Variants in PTPN13 observed in about 807,000 individuals in gnomAD.
PTPN13 encodes the protein protein tyrosine phosphatase non-receptor type 13, also known as tyrosine-protein phosphatase non-receptor type 13.
PTPN13 carries 191 observed loss-of-function variants against 284.0 expected under a neutral mutation model. The observed-to-expected ratio is 0.67, with a 90% CI of 0.60 to 0.76. The LOEUF (loss-of-function observed/expected upper bound fraction) is 0.76, where lower values mean the gene tolerates loss of function less well. Ranked by LOEUF, PTPN13 falls within the 30% of genes least tolerant of loss-of-function variation. PTPN13 has a pLI of 0.00. For missense variants in PTPN13, 2,797 were observed against 2,939.9 expected, an observed-to-expected ratio of 0.95 and a Z score of 1.12; for synonymous variants, 986 against 1,022.3, an observed-to-expected ratio of 0.96 and a Z score of 0.68.
At chr4:86,670,150 C>G (rs955592943) in intron 2 of PTPN13, among the ~76,000 whole-genome samples, 2 of 144,032 alleles carry the variant, frequency 1.4e-5, no homozygotes, top group Non-Finnish European at 3.0e-5. Context: ...CCTTGGTCTT[C>G]ATTTCTTTTC....
At chr4:86,652,145 A>AT (rs1052064328) in intron 2 of PTPN13, among the ~76,000 whole-genome samples, 2 of 151,966 alleles carry the variant, frequency 1.3e-5, no homozygotes, top group African/African-American at 4.8e-5. Context: ...GATCTTTTGT[A>AT]TTTTTTTAAT....
chr4:86,781,586 G>A (rs2149307714), intron 36 of PTPN13, among the ~76,000 whole-genome samples: 1 of 152,318 alleles, frequency 6.6e-6, no homozygotes, highest in East Asian at 1.9e-4. Context: ...TTAAGCACCT[G>A]TGATGGATCA....
chr4:86,750,742 C>T lies in PTPN13; in HGVS notation c.2923C>T (p.Gln975Ter). ...GAGTAAATCATACCATGATCTCAGT[C>T]AGGCCTCTCTCTATCCACATCGGAA... is the stretch of plus-strand genomic sequence containing the variant. ...EMSKSYHDLS[Q>*]ASLYPHRKNV... The change falls in exon 18 of 48, where the codon CAG becomes TAG. Residue 975 changes from glutamine (Q) to a stop codon, truncating the protein, a stop_gained. Coordinates refer to ENST00000411767, the MANE Select transcript of PTPN13 (RefSeq NM_080683.3). LOFTEE classifies it high-confidence loss of function. 6.2e-7 allele frequency: 1 copy of T among 1,613,634 alleles called. No individual in the cohort carries two copies. Among genetic ancestry groups the T allele is most frequent in the Non-Finnish European group, 8.5e-7 (1 of 1,179,708 alleles).
intron 40 of PTPN13, among the ~76,000 whole-genome samples, chr4:86,788,219 T>G (rs1382702146): frequency 6.6e-6 from 1 of 152,192 alleles, no homozygotes; most frequent in Non-Finnish European, 1.5e-5. Context: ...ATTTAAAATT[T>G]GCAAATATGA....
At chr4:86,746,696 A>G (rs1056844249) in intron 17 of PTPN13, among the ~76,000 whole-genome samples, 7 of 151,678 alleles carry the variant, frequency 4.6e-5, no homozygotes, top group Non-Finnish European at 5.9e-5. Flanking sequence ...GTTTGGGTGC[A>G]ATCTTGGCTC....
chr4:86,637,911 G>A (rs1481278725), intron 2 of PTPN13, among the ~76,000 whole-genome samples: 1 of 151,594 alleles, frequency 6.6e-6, no homozygotes, highest in Non-Finnish European at 1.5e-5. Flanking sequence ...CAGACGACAT[G>A]ATTGTATATC....
chr4:86,686,480 A>T (rs1182413448), intron 3 of PTPN13, among the ~76,000 whole-genome samples: 1 of 152,224 alleles, frequency 6.6e-6, no homozygotes, highest in Non-Finnish European at 1.5e-5. Flanking sequence ...AACAAAACTG[A>T]TTATGCATAA....
rs933177672 is a variant in PTPN13, at chr4:86,803,574, C to T, written c.6506-135C>T. 31 of 944,640 alleles carry T rather than the reference C, an allele frequency of 3.3e-5. No individual in the cohort carries two copies. The South Asian group carries it at 4.9e-4, about 15-fold the overall frequency. The allele number at this position is 944,640 out of a possible 1,614,324, so 58.5% of individuals were successfully genotyped here. Reference sequence around the variant, plus strand: ...CAGAACTGCACTCCATCGTAGGCGACAGAACAAGATTCTATCTCTAAATAA... The same window carrying T: ...CAGAACTGCACTCCATCGTAGGCGATAGAACAAGATTCTATCTCTAAATAA... On this transcript the variant is annotated intron_variant, in intron 42 of 47. Coordinates refer to ENST00000411767, the MANE Select transcript of PTPN13 (RefSeq NM_080683.3).
intron 7 of PTPN13, among the ~76,000 whole-genome samples, chr4:86,703,437 G>GAA (rs770620580): frequency 2.2e-5 from 3 of 136,510 alleles, no homozygotes; most frequent in Non-Finnish European, 1.6e-5. Flanking sequence ...TGTCCATTGT[G>GAA]AAAAAAAAAA....
Position 86,772,889 on chromosome 4 carries a change from A to AC in PTPN13, c.5282dup (p.Thr1762AsnfsTer2). On this transcript the variant is annotated frameshift_variant, in exon 32 of 48. Coordinates refer to ENST00000411767, the MANE Select transcript of PTPN13 (RefSeq NM_080683.3). LOFTEE classifies it high-confidence loss of function. ...AGTATCATATACATCACATTTCTGA[A>AC]CCAACTAGACAAGAAAACTGGACAC... is the stretch of plus-strand genomic sequence containing the variant. The AC allele has an allele frequency of 3.1e-6, 5 of 1,612,448 alleles. No individual in the cohort carries two copies. The highest frequency in any genetic ancestry group is 4.2e-6 in the Non-Finnish European group (5 of 1,179,024).
chr4:86,607,529 A>G (rs1200557417), intron 1 of PTPN13, among the ~76,000 whole-genome samples: 1 of 152,036 alleles, frequency 6.6e-6, no homozygotes, highest in Admixed American at 6.6e-5. Flanking sequence ...CTTATTTTAC[A>G]GATGAGAAAA....
chr4:86,808,101 T>A lies in PTPN13; in HGVS notation c.7083+204T>A, dbSNP rs77282451. Among the ~76,000 whole-genome samples, 610 of 152,330 alleles carry A rather than the reference T, an allele frequency of 4.0e-3. 9 individuals are homozygous for A. In the South Asian group the frequency reaches 0.055, roughly 14 times the overall value. ...ACTGTCTTCATGAATTCTGCCAGTT[T>A]CCTCCAGTATGTCCTCTACTAAAAT... On this transcript the variant is annotated intron_variant, in intron 45 of 47. Coordinates refer to ENST00000411767, the MANE Select transcript of PTPN13 (RefSeq NM_080683.3).
At chr4:86,746,679 A>G (rs1394327422) in intron 17 of PTPN13, among the ~76,000 whole-genome samples, 1 of 152,018 alleles carries the variant, frequency 6.6e-6, no homozygotes, top group Non-Finnish European at 1.5e-5. Context: ...GCTCTTGTCA[A>G]AATCTTGTTT....
intron 2 of PTPN13, among the ~76,000 whole-genome samples, chr4:86,657,581 A>G (rs577167266): frequency 1.3e-5 from 2 of 152,052 alleles, no homozygotes; most frequent in Admixed American, 6.5e-5. Context: ...ACAGAGTCTC[A>G]CCTGAAGGCT....
At chr4:86,606,103 T>G (rs1764716233) in intron 1 of PTPN13, among the ~76,000 whole-genome samples, 1 of 151,926 alleles carries the variant, frequency 6.6e-6, no homozygotes, top group African/African-American at 2.4e-5. Context: ...CTAAATTTGC[T>G]CAATAAGCCA....
At chr4:86,811,684 A>C (rs954604013) in intron 47 of PTPN13, among the ~76,000 whole-genome samples, 4 of 152,188 alleles carry the variant, frequency 2.6e-5, no homozygotes, top group African/African-American at 9.7e-5. Flanking sequence ...CCGTATTTAG[A>C]GTGTCTGTCT....
intron 1 of PTPN13, among the ~76,000 whole-genome samples, chr4:86,621,385 T>C (rs1341551798): frequency 1.3e-5 from 2 of 152,248 alleles, no homozygotes; most frequent in African/African-American, 2.4e-5. Flanking sequence ...CTTTCAAAGA[T>C]AGCCGACTTT....
intron 40 of PTPN13, among the ~76,000 whole-genome samples, chr4:86,791,061 A>G (rs182579783): frequency 3.3e-5 from 5 of 152,276 alleles, no homozygotes; most frequent in African/African-American, 7.2e-5. Flanking sequence ...CGGGAAGCAC[A>G]AGGTGTCAGG....
At chr4:86,618,812 T>C (rs1157368108) in intron 1 of PTPN13, among the ~76,000 whole-genome samples, 1 of 152,210 alleles carries the variant, frequency 6.6e-6, no homozygotes, top group Admixed American at 6.5e-5. Flanking sequence ...GCTTATCAGC[T>C]TAAGGAGATT....
Sources: gnomAD v4.1 joint callset for allele counts (sites outside exome capture counted in the v4.1 genomes callset) on GRCh38, gnomAD v4.1.1 for gene constraint, MANE v1.5 for transcripts, NCBI Gene and HGNC (gene_info 2026-07-23, HGNC 2026-07-21) for gene names.